The following XKR6 variants were observed in gnomAD, a reference collection of about 807,000 sequenced individuals.
XKR6 encodes the protein XK-related protein 6.
A neutral mutation model predicts 56.7 loss-of-function variants in XKR6; 22 were observed. That is an observed-to-expected ratio of 0.39 (90% CI 0.28 to 0.55). XKR6 has a LOEUF of 0.55. XKR6 is among the 20% of genes least tolerant of loss of function. The pLI is 0.66. For missense variants in XKR6, 852 were observed against 889.0 expected (o/e 0.96, Z 0.53); for synonymous variants, 524 against 387.8 (o/e 1.35, Z -4.13).
intron 1 of XKR6, chr8:11,125,676 A>T (rs970530883): frequency 2.0e-5 from 3 of 152,246 alleles, no homozygotes; most frequent in Admixed American, 2.0e-4. Flanking sequence ...TACAAATTCC[A>T]TACCTGCAAA....
At chr8:10,899,205 G>A (rs1022031849) in intron 2 of XKR6, among the ~76,000 whole-genome samples, 4 of 152,220 alleles carry the variant, frequency 2.6e-5, no homozygotes, top group East Asian at 1.9e-4. Context: ...GTGGGGCCAC[G>A]TCTGCCATGG....
Position 11,201,317 on chromosome 8 carries a change from C to A in XKR6, c.23G>T (p.Gly8Val). The A allele has an allele frequency of 6.3e-7, 1 of 1,575,170 alleles. No homozygotes were observed. Among genetic ancestry groups the A allele is most frequent in the Non-Finnish European group, 8.5e-7 (1 of 1,170,910 alleles). The part of the protein sequence containing the change: MAAKSDG[G>V]GVGVGFAQLH... Reference sequence around the variant, plus strand: ...CTGAGCGAAGCCCACCCCCACGCCACCGCCATCGGATTTCGCCGCCATCTT... The same window carrying A: ...CTGAGCGAAGCCCACCCCCACGCCAACGCCATCGGATTTCGCCGCCATCTT... Residue 8 changes from glycine (G) to valine (V), a missense_variant, in exon 1 of 3, where the codon GGT (glycine) becomes GTT (valine). By Grantham distance (109) the Gly-to-Val change is moderately radical. Transcript: ENST00000416569.
chr8:10,929,420 G>C (rs946402173), intron 1 of XKR6, among the ~76,000 whole-genome samples: 1 of 152,254 alleles, frequency 6.6e-6, no homozygotes, highest in African/African-American at 2.4e-5. Context: ...CAGCTAAGTA[G>C]CTGAGCAGGG....
At chr8:11,088,611 T>C (rs575288797) in intron 1 of XKR6, among the ~76,000 whole-genome samples, 1 of 152,274 alleles carries the variant, frequency 6.6e-6, no homozygotes, top group Non-Finnish European at 1.5e-5. Flanking sequence ...AGGGAGTGCA[T>C]GGTACTCCTA....
intron 1 of XKR6, among the ~76,000 whole-genome samples, chr8:11,117,791 T>A (rs36089015): frequency 0.27 from 41,745 of 152,006 alleles, 7,032 homozygotes; most frequent in Non-Finnish European, 0.39. Context: ...TTAATATGAA[T>A]ACAGTTCTTA....
chr8:11,071,249 T>A (rs981400934), intron 1 of XKR6, among the ~76,000 whole-genome samples: 19 of 152,026 alleles, frequency 1.2e-4, no homozygotes, highest in South Asian at 2.1e-4. Context: ...AAGAAAAAAA[T>A]TTCTTTTCAG....
chr8:11,102,731 G>T (rs1014721101), intron 1 of XKR6, among the ~76,000 whole-genome samples: 1 of 152,190 alleles, frequency 6.6e-6, no homozygotes, highest in African/African-American at 2.4e-5. Flanking sequence ...AGGAGGGACA[G>T]AGCTGACATG....
chr8:11,007,160 G>A (rs1057097107), intron 1 of XKR6, among the ~76,000 whole-genome samples: 1 of 152,164 alleles, frequency 6.6e-6, no homozygotes, highest in East Asian at 1.9e-4. Flanking sequence ...AGCTGTGGCA[G>A]CCAATGTATG....
chr8:11,178,452 G>A (rs753552224), intron 1 of XKR6, among the ~76,000 whole-genome samples: 19 of 151,068 alleles, frequency 1.3e-4, no homozygotes, highest in Non-Finnish European at 2.5e-4. Flanking sequence ...CATGCACATT[G>A]AGGTTCAAAA....
chr8:10,988,795 T>C (rs1227229355), intron 1 of XKR6, among the ~76,000 whole-genome samples: 5 of 152,176 alleles, frequency 3.3e-5, no homozygotes, highest in Non-Finnish European at 5.9e-5. Context: ...CCTCAAAACA[T>C]GTGAACCATG....
intron 1 of XKR6, among the ~76,000 whole-genome samples, chr8:11,006,245 T>C (rs1406215549): frequency 6.6e-6 from 1 of 152,082 alleles, no homozygotes; most frequent in Non-Finnish European, 1.5e-5. Context: ...AGAGAACAAA[T>C]GGAAGCAGAA....
chr8:11,078,967 G>A (rs983174181), intron 1 of XKR6, among the ~76,000 whole-genome samples: 2 of 152,242 alleles, frequency 1.3e-5, no homozygotes, highest in Non-Finnish European at 2.9e-5. Context: ...AGGGGACCTG[G>A]GTCACCTCAG....
intron 1 of XKR6, among the ~76,000 whole-genome samples, chr8:11,037,787 G>T (rs967444075): frequency 6.6e-6 from 1 of 151,718 alleles, no homozygotes; most frequent in Non-Finnish European, 1.5e-5. Context: ...GAACCCAGAA[G>T]GCAGAGCTTG....
chr8:10,928,195 G>C (rs1200908395), intron 1 of XKR6, among the ~76,000 whole-genome samples: 1 of 152,210 alleles, frequency 6.6e-6, no homozygotes, highest in Non-Finnish European at 1.5e-5. Context: ...ACTCAGTGCT[G>C]TGGGGCCCGG....
chr8:11,159,054 A>T (rs977692523), intron 1 of XKR6, among the ~76,000 whole-genome samples: 6 of 152,198 alleles, frequency 3.9e-5, no homozygotes, highest in Admixed American at 3.9e-4. Flanking sequence ...GACATTAGGC[A>T]AATTACTTAC....
intron 1 of XKR6, among the ~76,000 whole-genome samples, chr8:10,963,759 G>T (rs1448213525): frequency 7.9e-5 from 12 of 151,670 alleles, no homozygotes. Flanking sequence ...TCTCAGGCTG[G>T]TCTTGAACCC....
intron 1 of XKR6, among the ~76,000 whole-genome samples, chr8:10,949,164 G>A (rs948091824): frequency 1.3e-5 from 2 of 152,228 alleles, no homozygotes; most frequent in African/African-American, 2.4e-5. Flanking sequence ...GCAGGGGCCG[G>A]CTCTAGGGCC....
intron 1 of XKR6, among the ~76,000 whole-genome samples, chr8:10,933,653 G>A (rs1316804526): frequency 1.6e-5 from 2 of 122,296 alleles, no homozygotes; most frequent in Admixed American, 1.5e-4. Context: ...ATTAAATAGG[G>A]AATCCTTTCC....
chr8:11,092,469 G>A (rs988549181), intron 1 of XKR6, among the ~76,000 whole-genome samples: 2 of 152,166 alleles, frequency 1.3e-5, no homozygotes, highest in Admixed American at 1.3e-4. Flanking sequence ...CTAGGTTTAG[G>A]GGGGTAGGTG....
Sources: gnomAD v4.1 joint callset for allele counts (sites outside exome capture counted in the v4.1 genomes callset) on GRCh38, gnomAD v4.1.1 for gene constraint, MANE v1.5 for transcripts, NCBI Gene and HGNC (gene_info 2026-07-23, HGNC 2026-07-21) for gene names.